NLRP14: variants seen among roughly 807,000 people sequenced by gnomAD.
NLRP14 encodes the protein NACHT, LRR and PYD domains-containing protein 14.
Under a neutral mutation model 94.7 loss-of-function variants are expected in NLRP14, and 105 were observed. The observed-to-expected ratio is 1.11, with a 90% CI of 0.95 to 1.30. NLRP14 has a LOEUF of 1.30. Among genes scored for constraint, NLRP14 ranks in the 50% most tolerant of loss-of-function variants. The pLI is 0.00. For synonymous variants in NLRP14, 508 were observed against 459.9 expected, an observed-to-expected ratio of 1.10 and a Z score of -1.34; for missense variants, 1,362 against 1,254.1, an observed-to-expected ratio of 1.09 and a Z score of -1.30.
At chr11:7,038,935 A>C in intron 2 of NLRP14, 60 bp downstream of exon 2, 1 of 1,530,828 alleles carries the variant, frequency 6.5e-7, no homozygotes. Flanking sequence ...CCTGGAGCCC[A>C]GTGGAATGTT....
intron 3 of NLRP14, among the ~76,000 whole-genome samples, chr11:7,041,047 A>G (rs896546893): frequency 6.6e-6 from 1 of 152,202 alleles, no homozygotes; most frequent in Non-Finnish European, 1.5e-5. Context: ...AGTACAAAAT[A>G]GAAAATAAGA....
intron 5 of NLRP14, among the ~76,000 whole-genome samples, 154 bp from the exon 6 acceptor site, chr11:7,049,517 A>G (rs929416922): frequency 9.9e-5 from 15 of 152,196 alleles, no homozygotes; most frequent in African/African-American, 3.4e-4. Flanking sequence ...TCAGGTCATA[A>G]ATAGAAATTG....
chr11:7,053,422 G>A (rs1461661331), intron 6 of NLRP14, among the ~76,000 whole-genome samples: 1 of 149,512 alleles, frequency 6.7e-6, no homozygotes, highest in African/African-American at 2.5e-5. Context: ...TTATAAAGAT[G>A]CTCATCATTT....
chr11:7,078,437 CAAAAAAAAAAAAAA>C, the NLRP14 span, among the ~76,000 whole-genome samples: 6 of 15,370 alleles, frequency 3.9e-4, no homozygotes, highest in African/African-American at 1.0e-3. Flanking sequence ...GACTCTGTCT[CAAAAAAAAAAAAAA>C]AAAAAAAAAA....
chr11:7,058,275 T>A lies in NLRP14; in HGVS notation c.2463-5T>A, dbSNP rs372013305. The A allele has an allele frequency of 1.1e-5, 18 of 1,611,346 alleles. No homozygotes were observed. Among genetic ancestry groups the A allele is most frequent in the Non-Finnish European group, 1.3e-5 (15 of 1,178,002 alleles). Reference sequence around the variant, plus strand: ...CAGATCTCTTCTCATCTCTTTCTCTTTCAGCTTAGAAAGCTGTGGTCTCAC... The same window carrying A: ...CAGATCTCTTCTCATCTCTTTCTCTATCAGCTTAGAAAGCTGTGGTCTCAC... On this transcript the variant is annotated splice_polypyrimidine_tract_variant and splice_region_variant and intron_variant, in intron 7 of 11. Transcript: ENST00000299481.
chr11:7,047,023 G>A (rs1852364083), intron 5 of NLRP14, among the ~76,000 whole-genome samples, 191 bp downstream of exon 5: 5 of 152,184 alleles, frequency 3.3e-5, no homozygotes, highest in African/African-American at 1.2e-4. Flanking sequence ...TGATTCCACA[G>A]GGCATAGTAG....
At chr11:7,060,798 G>A (rs1023858070) in intron 9 of NLRP14, among the ~76,000 whole-genome samples, 2 of 151,914 alleles carry the variant, frequency 1.3e-5, no homozygotes, top group African/African-American at 2.4e-5. Context: ...GACATGATTT[G>A]GGGTTTCCTT....
At chr11:7,077,988 G>T in the NLRP14 span, among the ~76,000 whole-genome samples, 1 of 152,088 alleles carries the variant, frequency 6.6e-6, no homozygotes, top group Non-Finnish European at 1.5e-5. Flanking sequence ...TGGGTATAGA[G>T]TTTCAGTTTT....
rs181209050 is a variant in NLRP14 at position 7,071,025 on chromosome 11, G to A, written c.3147-148G>A. On this transcript the variant is annotated intron_variant, in intron 11 of 11. Transcript: ENST00000299481. The stretch of plus-strand genomic sequence containing the variant: ...TCCCTCACTGTATCTCTCTCAGTTC[G>A]CTTCCCCACTCCTCACCCATGTTAT... 3.0e-4 allele frequency: 233 copies of A among 784,596 alleles called. 2 individuals carry two copies. Among genetic ancestry groups the A allele is most frequent in the African/African-American group, 2.8e-3 (163 of 58,048 alleles). The allele number at this position is 784,596 out of a possible 1,614,324, so 48.6% of individuals were successfully genotyped here. A position where few individuals can be genotyped will look rare whatever the true frequency, so the allele number is the denominator to read the frequency against.
chr11:7,024,984 A>G (rs1190948955), intron 1 of NLRP14, among the ~76,000 whole-genome samples: 3 of 152,142 alleles, frequency 2.0e-5, no homozygotes, highest in African/African-American at 7.2e-5. Context: ...AAAGTTCTAG[A>G]AAAAAAGAAA....
rs750185317 is a variant in NLRP14 at position 7,057,809 on chromosome 11, G to C, written c.2424G>C (p.Glu808Asp). The stretch of plus-strand genomic sequence containing the variant: ...ATGATGGAGTGCAGCTTTTGTGTGA[G>C]GCCTTAAGACATCCAAAGTGTTATC... ...LLDDGVQLLC[E>D]ALRHPKCYLE... is the part of the protein sequence containing the mutation. Residue 808 changes from glutamate to aspartate, a missense_variant, in exon 7 of 12, where the codon GAG (glutamate) becomes GAC (aspartate). Glu to Asp is a conservative substitution (Grantham distance 45). Transcript: ENST00000299481. The C allele has an allele frequency of 3.1e-6, 5 of 1,612,264 alleles. No homozygotes were observed. In the South Asian group the frequency reaches 5.5e-5, roughly 18 times the overall value.
At position 7,060,009 on chromosome 11, in the gene NLRP14, G is replaced by T; in HGVS notation, c.2749G>T (p.Val917Leu). 6.2e-7 allele frequency: 1 copy of T among 1,612,842 alleles called. No homozygotes were observed. The highest frequency in any genetic ancestry group is 1.3e-5 in the African/African-American group (1 of 74,960). Reference sequence around the variant, plus strand: ...ATCAAACTGGCTACAAGACAATGGAGTGAAGCTTCTGTGTGATGTCTTTCG... The same window carrying T: ...ATCAAACTGGCTACAAGACAATGGATTGAAGCTTCTGTGTGATGTCTTTCG... The part of the protein sequence containing the change: ...LGSNWLQDNG[V>L]KLLCDVFRHP... The change falls in exon 9 of 12, where the codon GTG becomes TTG. Residue 917 changes from valine to leucine, a missense_variant. Transcript: ENST00000299481.
the NLRP14 span, among the ~76,000 whole-genome samples, chr11:7,087,485 CAGTT>C: frequency 6.6e-6 from 1 of 152,056 alleles, no homozygotes. Context: ...GAGCATATCT[CAGTT>C]AGGTTTGATT....
At chr11:7,088,309 A>T in the NLRP14 span, among the ~76,000 whole-genome samples, 2 of 152,212 alleles carry the variant, frequency 1.3e-5, no homozygotes, top group African/African-American at 4.8e-5. Context: ...ACATGGTCCA[A>T]AAAGGAAATA....
chr11:7,090,084 G>C, the NLRP14 span: 1 of 1,611,524 alleles, frequency 6.2e-7, no homozygotes, highest in Non-Finnish European at 8.5e-7. Flanking sequence ...CTACAGCGGC[G>C]GCCGCGACAG....
rs762342426 is a variant in NLRP14 at position 7,057,856 on chromosome 11, TTC to T, written c.2462+11_2462+12del. 5.0e-6 allele frequency: 8 copies of T among 1,608,824 alleles called. No homozygotes were observed. The highest frequency in any genetic ancestry group is 2.2e-5 in the East Asian group (1 of 44,796). ...TATCTAGAGAGACTGTCGTGAGTGT[TTC>T]TGTTTTGTTTTCTGTAGAGTCATTT... On this transcript the variant is annotated intron_variant, in intron 7 of 11. Coordinates refer to ENST00000299481, the MANE Select transcript of NLRP14 (RefSeq NM_176822.4).
intron 5 of NLRP14, among the ~76,000 whole-genome samples, 198 bp from the exon 6 acceptor site, chr11:7,049,473 C>A (rs1167000469): frequency 6.6e-6 from 1 of 151,864 alleles, no homozygotes; most frequent in Non-Finnish European, 1.5e-5. Context: ...CCTTCTTTTC[C>A]GTTAAGGTAA....
intron 6 of NLRP14, among the ~76,000 whole-genome samples, chr11:7,057,107 A>G (rs1235926157): frequency 6.6e-6 from 1 of 152,082 alleles, no homozygotes; most frequent in Non-Finnish European, 1.5e-5. Context: ...TACAAGGCAC[A>G]GGTTGTCTCT....
At chr11:7,028,123 T>A (rs1383327176) in intron 1 of NLRP14, among the ~76,000 whole-genome samples, 1 of 152,196 alleles carries the variant, frequency 6.6e-6, no homozygotes, top group Non-Finnish European at 1.5e-5. Context: ...TTGTATCTAC[T>A]GCTCAGACTT....
Sources: allele counts gnomAD v4.1 joint callset (sites outside exome capture counted in the v4.1 genomes callset), GRCh38; gene constraint gnomAD v4.1.1; transcripts MANE v1.5; gene names NCBI Gene and HGNC (gene_info 2026-07-23, HGNC 2026-07-21).